MAST4: variants seen among roughly 807,000 people sequenced by gnomAD.
The protein encoded by MAST4 is microtubule associated serine/threonine kinase family member 4.
Under a neutral mutation model 162.7 loss-of-function variants are expected in MAST4, and 89 were observed. That is an observed-to-expected ratio of 0.55 (90% CI 0.46 to 0.65). The LOEUF is 0.65. MAST4 is among the 30% of genes least tolerant of loss of function. The probability of loss-of-function intolerance (pLI) is 0.00; values close to 1 mark genes in which losing one functional copy is unlikely to be tolerated. For missense variants in MAST4, 3,153 were observed against 3,374.0 expected (o/e 0.93, Z 1.62); for synonymous variants, 1,479 against 1,361.1 (o/e 1.09, Z -1.91).
At chr5:66,845,971 G>A (rs1484818299) in intron 3 of MAST4, among the ~76,000 whole-genome samples, 1 of 152,098 alleles carries the variant, frequency 6.6e-6, no homozygotes, top group Admixed American at 6.6e-5. Context: ...TAAGTGCCAG[G>A]TGCCATTCTG....
intron 4 of MAST4, among the ~76,000 whole-genome samples, chr5:66,960,738 CT>C (rs1440794094): frequency 6.6e-6 from 1 of 152,094 alleles, no homozygotes; most frequent in South Asian, 2.1e-4. Flanking sequence ...TCTTCCTTTA[CT>C]TTTTTTCTTT....
chr5:66,724,163 T>C (rs1373863952), intron 1 of MAST4, among the ~76,000 whole-genome samples: 2 of 152,220 alleles, frequency 1.3e-5, no homozygotes, highest in Non-Finnish European at 2.9e-5. Flanking sequence ...ATTTTCTTCC[T>C]AGCAGAGGAA....
At chr5:67,128,270 A>G (rs1768504057) in intron 14 of MAST4, among the ~76,000 whole-genome samples, 1 of 152,216 alleles carries the variant, frequency 6.6e-6, no homozygotes, top group Admixed American at 6.5e-5. Flanking sequence ...GAATCACTCA[A>G]AATGGTGGGA....
At chr5:66,609,392 C>CTTTTTTT (rs373893029) in intron 1 of MAST4, among the ~76,000 whole-genome samples, 138 of 128,598 alleles carry the variant, frequency 1.1e-3, no homozygotes, top group African/African-American at 3.9e-3. Flanking sequence ...CAATGCACTA[C>CTTTTTTT]TTTTTTTTTT....
intron 4 of MAST4, among the ~76,000 whole-genome samples, chr5:67,016,184 A>G (rs1561535671): frequency 6.6e-6 from 1 of 152,200 alleles, no homozygotes; most frequent in Non-Finnish European, 1.5e-5. Context: ...ACAGTTTGAT[A>G]TAGTCTCATT....
chr5:66,847,302 G>T (rs1758926487), intron 3 of MAST4, among the ~76,000 whole-genome samples: 1 of 152,172 alleles, frequency 6.6e-6, no homozygotes, highest in South Asian at 2.1e-4. Context: ...CTGAGGCAAA[G>T]ATGCTTTTTC....
At chr5:66,614,758 A>G (rs1405599735) in intron 1 of MAST4, among the ~76,000 whole-genome samples, 1 of 152,214 alleles carries the variant, frequency 6.6e-6, no homozygotes, top group African/African-American at 2.4e-5. Context: ...TGGGGCTGCC[A>G]GAATGCAGGT....
At chr5:66,665,064 T>C (rs1747161430) in intron 1 of MAST4, among the ~76,000 whole-genome samples, 1 of 152,160 alleles carries the variant, frequency 6.6e-6, no homozygotes, top group African/African-American at 2.4e-5. Flanking sequence ...CAGAGTACTA[T>C]CAGAAGAGGC....
intron 4 of MAST4, among the ~76,000 whole-genome samples, chr5:66,977,178 G>GT (rs1379142465): frequency 6.6e-6 from 1 of 152,106 alleles, no homozygotes; most frequent in Non-Finnish European, 1.5e-5. Context: ...TCGGCTCACC[G>GT]TAACTTCCGC....
intron 1 of MAST4, among the ~76,000 whole-genome samples, chr5:66,676,787 A>G (rs1319091527): frequency 6.6e-6 from 1 of 152,222 alleles, no homozygotes; most frequent in African/African-American, 2.4e-5. Flanking sequence ...AGTATGTAGA[A>G]TTGCCTGACT....
intron 4 of MAST4, among the ~76,000 whole-genome samples, chr5:66,952,197 T>C (rs1744791885): frequency 6.6e-6 from 1 of 152,072 alleles, no homozygotes; most frequent in African/African-American, 2.4e-5. Context: ...GAGAGAAGGA[T>C]GAGAGAGAGA....
At chr5:67,127,153 T>A (rs1768344253) in intron 14 of MAST4, among the ~76,000 whole-genome samples, 1 of 152,240 alleles carries the variant, frequency 6.6e-6, no homozygotes, top group Non-Finnish European at 1.5e-5. Flanking sequence ...TGGGATTTTC[T>A]AAATATACAG....
intron 1 of MAST4, among the ~76,000 whole-genome samples, chr5:66,602,861 T>C (rs967716067): frequency 2.0e-5 from 3 of 152,218 alleles, no homozygotes; most frequent in African/African-American, 7.2e-5. Flanking sequence ...AGACTTTGGC[T>C]AGGTTCTTAT....
intron 4 of MAST4, among the ~76,000 whole-genome samples, chr5:66,927,191 AAG>A (rs1764966718): frequency 6.6e-6 from 1 of 152,194 alleles, no homozygotes; most frequent in Non-Finnish European, 1.5e-5. Flanking sequence ...TGGCCAAGGA[AAG>A]AGAGATGTTA....
At chr5:66,627,125 A>T (rs1744482754) in intron 1 of MAST4, among the ~76,000 whole-genome samples, 1 of 152,176 alleles carries the variant, frequency 6.6e-6, no homozygotes, top group Admixed American at 6.5e-5. Flanking sequence ...GGCCTTAGGA[A>T]ACTTACAATT....
intron 4 of MAST4, among the ~76,000 whole-genome samples, chr5:66,988,031 T>C (rs987687311): frequency 2.0e-5 from 3 of 152,238 alleles, no homozygotes; most frequent in Non-Finnish European, 4.4e-5. Flanking sequence ...GTTTTGTGCC[T>C]AGCTCTCCAC....
chr5:67,091,266 G>A (rs1763837346), intron 6 of MAST4, among the ~76,000 whole-genome samples: 1 of 152,144 alleles, frequency 6.6e-6, no homozygotes, highest in Admixed American at 6.5e-5. Flanking sequence ...TCAGAGTTCT[G>A]TGTAATTAAG....
chr5:66,712,522 C>T (rs1431130270), intron 1 of MAST4, among the ~76,000 whole-genome samples: 1 of 152,154 alleles, frequency 6.6e-6, no homozygotes, highest in Non-Finnish European at 1.5e-5. Context: ...AATTACTGGA[C>T]CTTGCTAGGA....
intron 1 of MAST4, among the ~76,000 whole-genome samples, chr5:66,656,386 A>G (rs144810816): frequency 1.8e-3 from 279 of 152,304 alleles, no homozygotes; most frequent in Non-Finnish European, 3.0e-3. Context: ...ACGTTGTTAA[A>G]TCCTGTTTCA....
Sources: gnomAD v4.1 joint callset for allele counts (sites outside exome capture counted in the v4.1 genomes callset) on GRCh38, gnomAD v4.1.1 for gene constraint, MANE v1.5 for transcripts, NCBI Gene and HGNC (gene_info 2026-07-23, HGNC 2026-07-21) for gene names.